The following DIP2C variants were observed in gnomAD, a reference collection of about 807,000 sequenced individuals.
The protein encoded by DIP2C is disco-interacting protein 2 homolog C.
DIP2C carries 33 observed loss-of-function variants against 192.4 expected under a neutral mutation model. The observed-to-expected ratio is 0.17, with a 90% CI of 0.13 to 0.23. The LOEUF (loss-of-function observed/expected upper bound fraction) is 0.23. Among genes scored for constraint, DIP2C ranks in the 10% least tolerant of loss-of-function variants. The pLI is 1.00. For missense variants in DIP2C, 1,537 were observed against 2,110.1 expected (o/e 0.73, Z 5.32); for synonymous variants, 979 against 864.1 (o/e 1.13, Z -2.33).
intron 9 of DIP2C, among the ~76,000 whole-genome samples, chr10:404,956 T>C (rs61837160): frequency 0.035 from 5,348 of 152,308 alleles, 165 homozygotes; most frequent in African/African-American, 0.084. Flanking sequence ...TTCAGTTAAA[T>C]GTTTGTAAGA....
intron 1 of DIP2C, among the ~76,000 whole-genome samples, chr10:656,890 G>C (rs1856368657): frequency 6.6e-6 from 1 of 152,216 alleles, no homozygotes; most frequent in African/African-American, 2.4e-5. Flanking sequence ...AGCACAAAGA[G>C]CATGGAACTT....
At chr10:621,345 G>C (rs958118535) in intron 1 of DIP2C, among the ~76,000 whole-genome samples, 13 of 151,234 alleles carry the variant, frequency 8.6e-5, no homozygotes, top group African/African-American at 3.2e-4. Context: ...CACATGCTCT[G>C]TACATGCTCA....
intron 3 of DIP2C, among the ~76,000 whole-genome samples, chr10:445,115 A>C (rs1429355230): frequency 1.3e-5 from 2 of 152,280 alleles, no homozygotes; most frequent in East Asian, 1.9e-4. Flanking sequence ...GTGGAACCTC[A>C]TGGGTTTAAG....
intron 1 of DIP2C, among the ~76,000 whole-genome samples, chr10:549,480 G>A (rs941962721): frequency 1.3e-5 from 2 of 152,158 alleles, no homozygotes; most frequent in African/African-American, 4.8e-5. Context: ...AGACCAATGA[G>A]CTTCACCAAC....
chr10:541,707 C>A (rs1847999739), intron 1 of DIP2C, among the ~76,000 whole-genome samples: 1 of 147,908 alleles, frequency 6.8e-6, no homozygotes, highest in Admixed American at 6.7e-5. Flanking sequence ...TGACCACCCC[C>A]ATCTCTCCTG....
intron 1 of DIP2C, among the ~76,000 whole-genome samples, chr10:591,365 T>C (rs1851394846): frequency 6.6e-6 from 1 of 152,158 alleles, no homozygotes; most frequent in Admixed American, 6.5e-5. Context: ...CCTCAGGTGA[T>C]CCACCTGCCT....
At chr10:599,534 T>G (rs1025878584) in intron 1 of DIP2C, among the ~76,000 whole-genome samples, 1 of 152,196 alleles carries the variant, frequency 6.6e-6, no homozygotes, top group Non-Finnish European at 1.5e-5. Flanking sequence ...TCTGACCAGC[T>G]GTTCACTCGT....
At chr10:383,099 A>G (rs1480765238) in intron 16 of DIP2C, among the ~76,000 whole-genome samples, 1 of 152,216 alleles carries the variant, frequency 6.6e-6, no homozygotes, top group East Asian at 1.9e-4. Context: ...TTTCCTCTCT[A>G]TTAATTTAAA....
At chr10:580,568 GAC>G (rs199519763) in intron 1 of DIP2C, among the ~76,000 whole-genome samples, 1,994 of 152,252 alleles carry the variant, frequency 0.013, 62 homozygotes, top group African/African-American at 0.045. Flanking sequence ...ACACATGTAG[GAC>G]ACATGTAGTG....
intron 1 of DIP2C, among the ~76,000 whole-genome samples, chr10:511,139 C>T (rs912465848): frequency 3.9e-5 from 6 of 152,194 alleles, no homozygotes; most frequent in African/African-American, 1.4e-4. Context: ...CTTGGCCTGC[C>T]CCAGTGAACA....
chr10:320,904 G>A (rs1457197119), intron 31 of DIP2C, among the ~76,000 whole-genome samples: 2 of 152,250 alleles, frequency 1.3e-5, no homozygotes, highest in Non-Finnish European at 2.9e-5. Context: ...TCAGAGGAAA[G>A]AGAGCACCGC....
chr10:511,145 G>A (rs570973811), intron 1 of DIP2C, among the ~76,000 whole-genome samples: 12 of 152,196 alleles, frequency 7.9e-5, no homozygotes, highest in Non-Finnish European at 1.3e-4. Flanking sequence ...CTGCCCCAGT[G>A]AACATTCACG....
At chr10:370,497 C>A (rs2132791087) in intron 17 of DIP2C, among the ~76,000 whole-genome samples, 1 of 152,352 alleles carries the variant, frequency 6.6e-6, no homozygotes, top group African/African-American at 2.4e-5. Flanking sequence ...GCACACACCT[C>A]TGACTACCTG....
chr10:475,207 C>T (rs1054538622), intron 2 of DIP2C, among the ~76,000 whole-genome samples: 3 of 152,198 alleles, frequency 2.0e-5, no homozygotes, highest in African/African-American at 4.8e-5. Flanking sequence ...TCCTGGACAC[C>T]GTTCTCTGGG....
chr10:675,762 G>A (rs1830853928), intron 1 of DIP2C, among the ~76,000 whole-genome samples: 1 of 152,098 alleles, frequency 6.6e-6, no homozygotes, highest in Admixed American at 6.6e-5. Context: ...TGAGTAACAT[G>A]TATGACTAAG....
At chr10:434,945 T>G (rs190481344) in intron 4 of DIP2C, among the ~76,000 whole-genome samples, 3 of 152,320 alleles carry the variant, frequency 2.0e-5, no homozygotes, top group East Asian at 3.9e-4. Context: ...TGCCCAAGTA[T>G]AGTTTATTTT....
intron 3 of DIP2C, among the ~76,000 whole-genome samples, chr10:444,958 G>A (rs1589810568): frequency 6.6e-6 from 1 of 152,172 alleles, no homozygotes; most frequent in East Asian, 1.9e-4. Context: ...TACCTGCTGG[G>A]CCATATGGTA....
chr10:349,444 G>C lies in DIP2C; in HGVS notation c.2996C>G (p.Ala999Gly). 2 of 1,606,402 alleles carry C rather than the reference G, an allele frequency of 1.2e-6. No individual in the cohort carries two copies. ...CAGCTGCACGCAGGTCAGCGAGTTC[G>C]CTATCGCACCCTGCGGGCCGATCAC... ...YTLLNCRGAI[A>G]NSLTCVQLHK... is the part of the protein sequence containing the mutation. Residue 999 changes from alanine (A) to glycine (G), a missense_variant, in exon 25 of 37, where the codon GCG becomes GGG. Coordinates refer to ENST00000280886, the MANE Select transcript of DIP2C (RefSeq NM_014974.3).
At position 417,786 on chromosome 10, in the gene DIP2C, G is replaced by C. The variant is rs112542762; in HGVS notation, c.739+1279C>G. On this transcript the variant is annotated intron_variant, in intron 6 of 36. Coordinates refer to ENST00000280886, the MANE Select transcript of DIP2C (RefSeq NM_014974.3). ...TGTCCACCTGCACCTGTCAGGGCTCGGATAGGCCTCCCTGTCCACCTGTTC... is the reference window on the plus strand; with the variant it reads ...TGTCCACCTGCACCTGTCAGGGCTCCGATAGGCCTCCCTGTCCACCTGTTC... Among the ~76,000 whole-genome samples, 631 of 68,454 alleles carry C rather than the reference G, an allele frequency of 9.2e-3. 90 individuals carry two copies. The highest frequency in any genetic ancestry group is 0.011 in the Non-Finnish European group (367 of 33,726). 44.9% of individuals were successfully genotyped at this position (68,454 alleles called of 152,430 possible). A position where few individuals can be genotyped will look rare whatever the true frequency, so the allele number is the denominator to read the frequency against.
Sources: allele counts gnomAD v4.1 joint callset (sites outside exome capture counted in the v4.1 genomes callset), GRCh38; gene constraint gnomAD v4.1.1; transcripts MANE v1.5; gene names NCBI Gene and HGNC (gene_info 2026-07-23, HGNC 2026-07-21).